Variants in CASC3 observed in about 807,000 individuals in gnomAD.
CASC3 encodes protein CASC3.
A neutral mutation model predicts 80.5 loss-of-function variants in CASC3; 30 were observed. The observed-to-expected ratio is 0.37, with a 90% confidence interval of 0.28 to 0.51. CASC3 has a LOEUF of 0.51. Among genes scored for constraint, CASC3 ranks in the 20% least tolerant of loss-of-function variants. The probability of loss-of-function intolerance (pLI) is 0.94; values close to 1 mark genes in which losing one functional copy is unlikely to be tolerated. For synonymous variants in CASC3, 312 were observed against 333.6 expected (o/e 0.94, Z 0.70); for missense variants, 824 against 922.2 (o/e 0.89, Z 1.38).
chr17:40,155,576 G>C (rs1022874280), intron 3 of CASC3, among the ~76,000 whole-genome samples: 3 of 152,208 alleles, frequency 2.0e-5, no homozygotes, highest in African/African-American at 7.2e-5. Flanking sequence ...TCAACGACAG[G>C]CCCGTGGCCT....
chr17:40,140,937 C>T (rs1041407667), intron 1 of CASC3, 158 bp downstream of exon 1: 4 of 658,070 alleles, frequency 6.1e-6, no homozygotes, highest in Non-Finnish European at 1.0e-5. Flanking sequence ...GAGTTTGCAT[C>T]CGGAGTTCCA....
intron 3 of CASC3, among the ~76,000 whole-genome samples, chr17:40,150,547 G>A (rs543526862): frequency 6.6e-6 from 1 of 152,092 alleles, no homozygotes; most frequent in South Asian, 2.1e-4. Flanking sequence ...GAAATGGGAT[G>A]TTACTAGTAG....
At chr17:40,162,964 G>A in intron 6 of CASC3, 63 bp downstream of exon 6, 1 of 1,452,166 alleles carries the variant, frequency 6.9e-7, no homozygotes, top group Admixed American at 1.7e-5. Context: ...CTTACACCTG[G>A]AATCCCGGCA....
At chr17:40,158,124 C>T (rs964443700) in intron 3 of CASC3, among the ~76,000 whole-genome samples, 2 of 152,130 alleles carry the variant, frequency 1.3e-5, no homozygotes, top group Non-Finnish European at 2.9e-5. Context: ...TCAACTATAC[C>T]CAGATGCTGA....
chr17:40,170,935 C>A lies in CASC3; in HGVS notation c.*530C>A, dbSNP rs1411267591. On this transcript the variant is annotated 3_prime_UTR_variant, in exon 14 of 14. Transcript: ENST00000264645. ...CTAGCCCCTCTGGATTCCCTTTTGA[C>A]TCTTCCGTGCATCCCAGATAATGGA... 46 of 985,398 alleles carry A rather than the reference C, an allele frequency of 4.7e-5. 1 individual carries two copies. Among genetic ancestry groups the A allele is most frequent in the Non-Finnish European group, 5.5e-5 (46 of 829,926 alleles). 61.0% of individuals were successfully genotyped at this position (985,398 alleles called of 1,614,324 possible).
At chr17:40,144,691 C>T (rs948859327) in intron 3 of CASC3, among the ~76,000 whole-genome samples, 1 of 133,160 alleles carries the variant, frequency 7.5e-6, no homozygotes, top group African/African-American at 2.9e-5. Flanking sequence ...AAAAAAGAGG[C>T]AGGGTCTCAC....
intron 3 of CASC3, among the ~76,000 whole-genome samples, chr17:40,148,293 C>T (rs1988909339): frequency 6.6e-6 from 1 of 151,968 alleles, no homozygotes; most frequent in Non-Finnish European, 1.5e-5. Context: ...CTTCTAGGAA[C>T]TCCCTTCTAG....
At position 40,170,937 on chromosome 17, in the gene CASC3, C is replaced by A; in HGVS notation, c.*532C>A. On this transcript the variant is annotated 3_prime_UTR_variant, in exon 14 of 14. Coordinates refer to ENST00000264645, the MANE Select transcript of CASC3 (RefSeq NM_007359.5). ...AGCCCCTCTGGATTCCCTTTTGACT[C>A]TTCCGTGCATCCCAGATAATGGAGA... is the stretch of plus-strand genomic sequence containing the variant. 1 of 985,486 alleles carries A rather than the reference C, an allele frequency of 1.0e-6. No homozygotes were observed. The highest frequency in any genetic ancestry group is 1.2e-6 in the Non-Finnish European group (1 of 829,908). 61.0% of individuals were successfully genotyped at this position (985,486 alleles called of 1,614,324 possible). A position where few individuals can be genotyped will look rare whatever the true frequency, so the allele number is the denominator to read the frequency against.
chr17:40,170,649 G>A lies in CASC3; in HGVS notation c.*244G>A. On this transcript the variant is annotated 3_prime_UTR_variant, in exon 14 of 14. Coordinates refer to ENST00000264645, the MANE Select transcript of CASC3 (RefSeq NM_007359.5). The stretch of plus-strand genomic sequence containing the variant: ...CTCTTCACTTGAGTTGGCTGTGTTC[G>A]GGGGAGCAGAGAGAGCCAGACAGCC... The A allele has an allele frequency of 2.0e-6, 2 of 985,486 alleles. No homozygotes were observed. Among genetic ancestry groups the A allele is most frequent in the Non-Finnish European group, 2.4e-6 (2 of 829,940 alleles). 61.0% of individuals were successfully genotyped at this position (985,486 alleles called of 1,614,324 possible). A position where few individuals can be genotyped will look rare whatever the true frequency, so the allele number is the denominator to read the frequency against.
chr17:40,154,621 A>G (rs527388138), intron 3 of CASC3, among the ~76,000 whole-genome samples: 5 of 151,592 alleles, frequency 3.3e-5, no homozygotes, highest in South Asian at 2.1e-4. Flanking sequence ...ATTTGCAAAT[A>G]TGTGTTCCCT....
chr17:40,167,613 G>A lies in CASC3; in HGVS notation c.1651+1G>A. The A allele has an allele frequency of 6.2e-7, 1 of 1,608,266 alleles. No individual in the cohort carries two copies. The highest frequency in any genetic ancestry group is 2.2e-5 in the East Asian group (1 of 44,854). On this transcript the variant is annotated splice_donor_variant, in intron 9 of 13. Transcript: ENST00000264645. LOFTEE classifies it high-confidence loss of function. The stretch of plus-strand genomic sequence containing the variant: ...ATGGAGGGACATTACTATGATCCAC[G>A]TGAGTTTTTTCTTACTGTTGGGGTA...
intron 3 of CASC3, among the ~76,000 whole-genome samples, chr17:40,146,323 C>G (rs1360007473): frequency 6.6e-6 from 1 of 152,054 alleles, no homozygotes; most frequent in Non-Finnish European, 1.5e-5. Flanking sequence ...GGTGTAGTTA[C>G]ATCCCATCCT....
chr17:40,169,087 CTGATGG>C lies in CASC3; in HGVS notation c.1966-235_1966-230del, dbSNP rs1989525716. The C allele has an allele frequency of 9.5e-6, 4 of 422,642 alleles. No individual in the cohort carries two copies. The East Asian group carries it at 1.6e-4, about 17-fold the overall frequency. 26.2% of individuals were successfully genotyped at this position (422,642 alleles called of 1,614,324 possible). A position where few individuals can be genotyped will look rare whatever the true frequency, so the allele number is the denominator to read the frequency against. ...GAACTCAGCCTTTTCCATTTGTCAG[CTGATGG>C]TAGGAATTAGAGAAAGCTGGGCAGT... On this transcript the variant is annotated intron_variant, in intron 11 of 13. Transcript: ENST00000264645.
chr17:40,155,630 T>A (rs1989128549), intron 3 of CASC3, among the ~76,000 whole-genome samples: 1 of 152,098 alleles, frequency 6.6e-6, no homozygotes, highest in Non-Finnish European at 1.5e-5. Flanking sequence ...AGGAGTTAGA[T>A]CTGAAAGAGA....
intron 3 of CASC3, among the ~76,000 whole-genome samples, chr17:40,141,931 G>A (rs1988728599): frequency 6.6e-6 from 1 of 152,174 alleles, no homozygotes; most frequent in African/African-American, 2.4e-5. Context: ...AGTGTAGGTT[G>A]AGAAGCCAGC....
chr17:40,143,965 T>C (rs574302473), intron 3 of CASC3, among the ~76,000 whole-genome samples: 49 of 151,464 alleles, frequency 3.2e-4, no homozygotes, highest in African/African-American at 1.1e-3. Flanking sequence ...TAAAAATATC[T>C]CATGGGCCGG....
rs756201189 is a variant in CASC3 at position 40,171,199 on chromosome 17, C to T, written c.*794C>T. Reference sequence around the variant, plus strand: ...CCATCAATACCTGTACTATGATGGGCTTCTGTTCTCTGCTGAGGGCCAATA... The same window carrying T: ...CCATCAATACCTGTACTATGATGGGTTTCTGTTCTCTGCTGAGGGCCAATA... On this transcript the variant is annotated 3_prime_UTR_variant, in exon 14 of 14. Transcript: ENST00000264645. 11 of 985,906 alleles carry T rather than the reference C, an allele frequency of 1.1e-5. No individual in the cohort carries two copies. Among genetic ancestry groups the T allele is most frequent in the Non-Finnish European group, 1.3e-5 (11 of 829,914 alleles). The allele number at this position is 985,906 out of a possible 1,614,324, so 61.1% of individuals were successfully genotyped here.
At chr17:40,141,415 T>A in intron 2 of CASC3, 155 bp from the exon 3 acceptor site, 1 of 837,156 alleles carries the variant, frequency 1.2e-6, no homozygotes, top group Non-Finnish European at 2.0e-6. Context: ...AGTTACCCTC[T>A]GAGCCTGTTT....
At position 40,170,606 on chromosome 17, in the gene CASC3, G is replaced by A. The variant is rs1466156397; in HGVS notation, c.*201G>A. 1 of 985,454 alleles carries A rather than the reference G, an allele frequency of 1.0e-6. No homozygotes were observed. Among genetic ancestry groups the A allele is most frequent in the Non-Finnish European group, 1.2e-6 (1 of 829,974 alleles). 61.0% of individuals were successfully genotyped at this position (985,454 alleles called of 1,614,324 possible). On this transcript the variant is annotated 3_prime_UTR_variant, in exon 14 of 14. Transcript: ENST00000264645. Reference sequence around the variant, plus strand: ...CTCTAGAGAGAGGGAGAAACAAGTGGACCTCGTCCCATCTTCACTCTTCAC... The same window carrying A: ...CTCTAGAGAGAGGGAGAAACAAGTGAACCTCGTCCCATCTTCACTCTTCAC...
Sources: gnomAD v4.1 joint callset for allele counts (sites outside exome capture counted in the v4.1 genomes callset) on GRCh38, gnomAD v4.1.1 for gene constraint, MANE v1.5 for transcripts, NCBI Gene and HGNC (gene_info 2026-07-23, HGNC 2026-07-21) for gene names.